Variants in CTNNA3 observed in about 807,000 individuals in gnomAD.
CTNNA3 encodes catenin alpha-3.
A neutral mutation model predicts 95.7 loss-of-function variants in CTNNA3; 76 were observed. The ratio of observed to expected loss-of-function variants is 0.79; its 90% CI spans 0.66 to 0.96. CTNNA3 has a LOEUF of 0.96. CTNNA3 is among the 40% of genes least tolerant of loss of function. CTNNA3 has a pLI of 0.00. For synonymous variants in CTNNA3, 431 were observed against 374.4 expected (o/e 1.15, Z -1.74); for missense variants, 1,191 against 1,089.8 (o/e 1.09, Z -1.31).
chr10:66,657,320 G>T (rs574382127), intron 9 of CTNNA3, among the ~76,000 whole-genome samples: 3 of 152,226 alleles, frequency 2.0e-5, no homozygotes, highest in African/African-American at 7.2e-5. Context: ...AGCAGCTCTC[G>T]TTCTTTAATC....
intron 5 of CTNNA3, among the ~76,000 whole-genome samples, chr10:67,389,991 T>A (rs1844385635): frequency 6.6e-6 from 1 of 150,714 alleles, no homozygotes; most frequent in Non-Finnish European, 1.5e-5. Flanking sequence ...ACATCACAAT[T>A]AAAAGAACTA....
intron 7 of CTNNA3, among the ~76,000 whole-genome samples, chr10:66,884,958 A>G (rs1474879863): frequency 6.6e-6 from 1 of 152,148 alleles, no homozygotes; most frequent in Admixed American, 6.6e-5. Context: ...TGCAAAGGAA[A>G]GAAATACTGA....
intron 12 of CTNNA3, among the ~76,000 whole-genome samples, chr10:66,293,697 A>C (rs780468561): frequency 2.6e-5 from 3 of 116,618 alleles, no homozygotes; most frequent in Non-Finnish European, 5.1e-5. Flanking sequence ...ATGAACTCTT[A>C]TTCTGTCGCC....
At chr10:66,066,954 C>A (rs1477852179) in intron 15 of CTNNA3, among the ~76,000 whole-genome samples, 1 of 151,786 alleles carries the variant, frequency 6.6e-6, no homozygotes, top group Non-Finnish European at 1.5e-5. Flanking sequence ...CCCAATTTTT[C>A]TATTATTTTA....
At chr10:66,469,180 A>C (rs933222762) in intron 11 of CTNNA3, among the ~76,000 whole-genome samples, 7 of 152,028 alleles carry the variant, frequency 4.6e-5, no homozygotes, top group African/African-American at 9.6e-5. Flanking sequence ...TGGGGCTCAC[A>C]TATTCAAGAA....
intron 17 of CTNNA3, among the ~76,000 whole-genome samples, chr10:65,962,505 C>T (rs1372539434): frequency 6.6e-6 from 1 of 152,092 alleles, no homozygotes; most frequent in Non-Finnish European, 1.5e-5. Flanking sequence ...ACACTCCTTT[C>T]CATTCTCATC....
intron 5 of CTNNA3, among the ~76,000 whole-genome samples, chr10:67,432,507 C>A (rs527404863): frequency 1.3e-5 from 2 of 152,156 alleles, no homozygotes; most frequent in East Asian, 3.9e-4. Context: ...CCTTTTCCAG[C>A]TCCTGGTGGT....
At chr10:67,543,582 G>A (rs1296226457) in intron 3 of CTNNA3, among the ~76,000 whole-genome samples, 1 of 151,970 alleles carries the variant, frequency 6.6e-6, no homozygotes, top group Non-Finnish European at 1.5e-5. Flanking sequence ...AAAGGGGCAG[G>A]TACTAAAGAT....
At chr10:66,001,324 G>A (rs536239235) in intron 15 of CTNNA3, among the ~76,000 whole-genome samples, 54 of 152,074 alleles carry the variant, frequency 3.6e-4, no homozygotes, top group African/African-American at 1.2e-3. Flanking sequence ...GCCATTCCAT[G>A]TGCCATGCTA....
intron 11 of CTNNA3, among the ~76,000 whole-genome samples, chr10:66,419,681 A>C (rs2093176050): frequency 6.6e-6 from 1 of 152,156 alleles, no homozygotes; most frequent in Non-Finnish European, 1.5e-5. Context: ...GCATTGGCAT[A>C]AAAATAGACA....
intron 12 of CTNNA3, among the ~76,000 whole-genome samples, chr10:66,285,290 C>A (rs2091565619): frequency 6.6e-6 from 1 of 151,882 alleles, no homozygotes; most frequent in Non-Finnish European, 1.5e-5. Flanking sequence ...CCCCCTCTGG[C>A]AGAGTAGGTT....
At chr10:65,943,741 A>G (rs1459220805) in intron 17 of CTNNA3, among the ~76,000 whole-genome samples, 1 of 152,194 alleles carries the variant, frequency 6.6e-6, no homozygotes, top group Non-Finnish European at 1.5e-5. Flanking sequence ...TAAGCAGTGC[A>G]ATCTTCCCCC....
At chr10:67,735,075 G>C (rs778553495) in intron 1 of CTNNA3, among the ~76,000 whole-genome samples, 1 of 151,602 alleles carries the variant, frequency 6.6e-6, no homozygotes, top group Non-Finnish European at 1.5e-5. Flanking sequence ...AGTAGGTCTA[G>C]AGCAAGGTTG....
At chr10:67,032,869 A>T (rs1853820835) in intron 7 of CTNNA3, among the ~76,000 whole-genome samples, 1 of 152,210 alleles carries the variant, frequency 6.6e-6, no homozygotes, top group Admixed American at 6.5e-5. Flanking sequence ...TCAGCTGTAT[A>T]TTAAAACAAC....
At chr10:66,799,590 T>TC (rs1841348887) in intron 7 of CTNNA3, among the ~76,000 whole-genome samples, 1 of 151,448 alleles carries the variant, frequency 6.6e-6, no homozygotes, top group African/African-American at 2.4e-5. Flanking sequence ...GGGAAGAAGG[T>TC]AGAGACAAGC....
chr10:65,949,245 G>T (rs913073615), intron 17 of CTNNA3, among the ~76,000 whole-genome samples: 1 of 152,120 alleles, frequency 6.6e-6, no homozygotes, highest in Non-Finnish European at 1.5e-5. Context: ...TGAAAATAAA[G>T]CCCAAATTCA....
intron 7 of CTNNA3, among the ~76,000 whole-genome samples, chr10:66,882,250 C>A (rs1029968077): frequency 6.6e-6 from 1 of 152,014 alleles, no homozygotes; most frequent in Non-Finnish European, 1.5e-5. Flanking sequence ...CCAAAATGTA[C>A]CTCATGTGGT....
At chr10:67,164,926 G>A (rs1320226790) in intron 7 of CTNNA3, among the ~76,000 whole-genome samples, 3 of 152,180 alleles carry the variant, frequency 2.0e-5, no homozygotes. Context: ...TGGTGGGAAT[G>A]TAAAATTGCT....
intron 13 of CTNNA3, among the ~76,000 whole-genome samples, chr10:66,190,097 AT>A (rs1324000784): frequency 1.3e-5 from 2 of 152,200 alleles, no homozygotes; most frequent in African/African-American, 4.8e-5. Flanking sequence ...GTTAAGATAA[AT>A]TTAAAAAGAC....
Sources: gnomAD v4.1 joint callset for allele counts (sites outside exome capture counted in the v4.1 genomes callset) on GRCh38, gnomAD v4.1.1 for gene constraint, MANE v1.5 for transcripts, NCBI Gene and HGNC (gene_info 2026-07-23, HGNC 2026-07-21) for gene names.